CCDC149: variants seen among roughly 807,000 people sequenced by gnomAD.
The protein encoded by CCDC149 is coiled-coil domain containing 149, also known as coiled-coil domain-containing protein 149.
Under a neutral mutation model 59.9 loss-of-function variants are expected in CCDC149, and 45 were observed. The observed-to-expected ratio is 0.75, with a 90% confidence interval of 0.59 to 0.96. The LOEUF is 0.96. Ranked by LOEUF, CCDC149 falls within the 40% of genes least tolerant of loss-of-function variation. The probability of loss-of-function intolerance (pLI) is 0.00; values close to 1 mark genes in which losing one functional copy is unlikely to be tolerated. For synonymous variants in CCDC149, 245 were observed against 260.6 expected (o/e 0.94, Z 0.58); for missense variants, 584 against 664.7 (o/e 0.88, Z 1.33).
chr4:24,949,108 G>C (rs1039688015), intron 1 of CCDC149, among the ~76,000 whole-genome samples: 1 of 152,172 alleles, frequency 6.6e-6, no homozygotes, highest in Admixed American at 6.5e-5. Context: ...TCAGACAAGG[G>C]TAGCAACGGC....
Position 24,868,077 on chromosome 4 carries a change from C to A in CCDC149, c.264+5604G>T, listed in dbSNP as rs143448410. ...GCTGGAGAGGTAAATACTTCCCCTG[C>A]TGTTCTGCCTTTGGTATAAATATTT... On this transcript the variant is annotated intron_variant, in intron 3 of 12. Transcript: ENST00000635206. Among the ~76,000 whole-genome samples the A allele has an allele frequency of 2.6e-5, 4 of 152,354 alleles. No homozygotes were observed. The East Asian group carries it at 7.7e-4, about 29-fold the overall frequency.
At chr4:24,843,129 AATGCAATG>A (rs1156797310) in intron 4 of CCDC149, among the ~76,000 whole-genome samples, 47 of 152,376 alleles carry the variant, frequency 3.1e-4, no homozygotes, top group African/African-American at 1.1e-3. Context: ...AGGAAGATAC[AATGCAATG>A]ATCACTGTCC....
At chr4:24,903,484 T>C (rs986245090) in intron 1 of CCDC149, among the ~76,000 whole-genome samples, 4 of 152,170 alleles carry the variant, frequency 2.6e-5, no homozygotes, top group African/African-American at 9.7e-5. Flanking sequence ...GGAAACCTGA[T>C]GGGCTCGGGA....
chr4:24,813,489 AATATATATATATATATATATAT>A (rs57650226), intron 12 of CCDC149, among the ~76,000 whole-genome samples: 2 of 113,734 alleles, frequency 1.8e-5, no homozygotes, highest in African/African-American at 8.0e-5. Flanking sequence ...CAGCTTGGGG[AATATATATATATATATATATAT>A]ATATATATAT....
At chr4:24,857,208 T>C (rs760612068) in intron 3 of CCDC149, among the ~76,000 whole-genome samples, 7 of 152,172 alleles carry the variant, frequency 4.6e-5, no homozygotes, top group Non-Finnish European at 8.8e-5. Flanking sequence ...AGTGGCTACA[T>C]TGGTAGCTAC....
At chr4:24,926,453 C>T (rs1722435455) in intron 1 of CCDC149, among the ~76,000 whole-genome samples, 1 of 152,202 alleles carries the variant, frequency 6.6e-6, no homozygotes, top group South Asian at 2.1e-4. Context: ...TCAACATTCC[C>T]CTTGAGGCCC....
intron 1 of CCDC149, among the ~76,000 whole-genome samples, chr4:24,957,661 A>G (rs1057358354): frequency 8.3e-5 from 12 of 145,154 alleles, no homozygotes; most frequent in African/African-American, 3.0e-4. Flanking sequence ...GCCAATGCCT[A>G]TTTTTATAAA....
At chr4:24,815,745 G>A (rs999553181) in intron 12 of CCDC149, among the ~76,000 whole-genome samples, 2 of 152,112 alleles carry the variant, frequency 1.3e-5, no homozygotes, top group African/African-American at 4.8e-5. Flanking sequence ...GTGCCATTTC[G>A]TTAGATGACA....
intron 1 of CCDC149, among the ~76,000 whole-genome samples, chr4:24,909,385 C>A (rs1428163424): frequency 1.3e-5 from 2 of 152,174 alleles, no homozygotes; most frequent in East Asian, 3.9e-4. Context: ...AACACCACAG[C>A]TGCTGAGCAC....
intron 12 of CCDC149, among the ~76,000 whole-genome samples, chr4:24,813,206 A>G (rs978746270): frequency 6.6e-6 from 1 of 152,106 alleles, no homozygotes; most frequent in African/African-American, 2.4e-5. Flanking sequence ...CAAGAAGGCC[A>G]CCATCTGCAA....
At position 24,806,824 on chromosome 4, in the gene CCDC149, A is replaced by T. The variant is rs1264342018; in HGVS notation, c.*1565T>A. The T allele has an allele frequency of 6.5e-6, 1 of 153,348 alleles. No individual in the cohort carries two copies. Among genetic ancestry groups the T allele is most frequent in the Admixed American group, 6.5e-5 (1 of 15,268 alleles). 9.5% of individuals were successfully genotyped at this position (153,348 alleles called of 1,614,324 possible). On this transcript the variant is annotated 3_prime_UTR_variant, in exon 13 of 13. Coordinates refer to ENST00000635206, the MANE Select transcript of CCDC149 (RefSeq NM_001330643.2). Reference sequence around the variant, plus strand: ...ACTCCAGCATGCTCCCATTTCAACTAAAGTAGTGGGAGACCCACCCAATGT... The same window carrying T: ...ACTCCAGCATGCTCCCATTTCAACTTAAGTAGTGGGAGACCCACCCAATGT...
intron 1 of CCDC149, among the ~76,000 whole-genome samples, chr4:24,945,157 G>A (rs947040836): frequency 6.6e-6 from 1 of 152,178 alleles, no homozygotes; most frequent in Non-Finnish European, 1.5e-5. Flanking sequence ...GGTGGGGGCT[G>A]AGAATTTGCA....
intron 1 of CCDC149, among the ~76,000 whole-genome samples, chr4:24,888,131 TCTGA>T (rs1370918443): frequency 6.6e-6 from 1 of 152,178 alleles, no homozygotes. Flanking sequence ...TGCCCACTTG[TCTGA>T]CTAAGGCCTC....
chr4:24,943,660 C>G (rs1723015712), intron 1 of CCDC149, among the ~76,000 whole-genome samples: 1 of 152,156 alleles, frequency 6.6e-6, no homozygotes, highest in Non-Finnish European at 1.5e-5. Context: ...TTTTTGCAAT[C>G]TACTCATCTG....
At chr4:24,918,363 T>C (rs937484118) in intron 1 of CCDC149, among the ~76,000 whole-genome samples, 1 of 152,194 alleles carries the variant, frequency 6.6e-6, no homozygotes, top group Non-Finnish European at 1.5e-5. Context: ...AAAATATTTA[T>C]TGTCCATTAG....
At chr4:24,955,577 C>T (rs1333125451) in intron 1 of CCDC149, among the ~76,000 whole-genome samples, 1 of 152,058 alleles carries the variant, frequency 6.6e-6, no homozygotes, top group Non-Finnish European at 1.5e-5. Flanking sequence ...ATGGATGAAC[C>T]TTGAGAATAT....
At chr4:24,851,733 C>G (rs1485848719) in intron 4 of CCDC149, among the ~76,000 whole-genome samples, 1 of 151,906 alleles carries the variant, frequency 6.6e-6, no homozygotes, top group Non-Finnish European at 1.5e-5. Context: ...TTGTTTTATT[C>G]TCTAGAAAAT....
Position 24,874,144 on chromosome 4 carries a change from AAGAG to A in CCDC149, c.226-429_226-426del, listed in dbSNP as rs1421279986. ...AGAGAGAGAAAGAGAGAGACAGAGA[AAGAG>A]AGAGTTTTCTCTGTGGGCAGAACAA... On this transcript the variant is annotated intron_variant, in intron 2 of 12. Transcript: ENST00000635206. Among the ~76,000 whole-genome samples, 4 of 152,048 alleles carry A rather than the reference AAGAG, an allele frequency of 2.6e-5. No individual in the cohort carries two copies. The East Asian group carries it at 7.7e-4, about 29-fold the overall frequency.
chr4:24,933,240 A>G (rs1171744093), intron 1 of CCDC149, among the ~76,000 whole-genome samples: 1 of 152,158 alleles, frequency 6.6e-6, no homozygotes, highest in Non-Finnish European at 1.5e-5. Context: ...GGCACTAGAA[A>G]TCTATCCTGG....
Sources: allele counts gnomAD v4.1 joint callset (sites outside exome capture counted in the v4.1 genomes callset), GRCh38; gene constraint gnomAD v4.1.1; transcripts MANE v1.5; gene names NCBI Gene and HGNC (gene_info 2026-07-23, HGNC 2026-07-21).